Variants in MYO18B observed in about 807,000 individuals in gnomAD.
MYO18B encodes the protein myosin XVIIIB.
In MYO18B, 204 loss-of-function variants were observed where a neutral mutation model predicts 273.0. The ratio of observed to expected loss-of-function variants is 0.75; its 90% CI spans 0.67 to 0.84. The LOEUF is 0.84. Ranked by LOEUF, MYO18B falls within the 40% of genes least tolerant of loss-of-function variation. The pLI, the probability that MYO18B is intolerant of heterozygous loss-of-function variation, is 0.00. For missense variants in MYO18B, 3,212 were observed against 3,287.6 expected (o/e 0.98, Z 0.56); for synonymous variants, 1,330 against 1,305.7 (o/e 1.02, Z -0.40).
At chr22:25,767,276 G>A (rs1472792029) in intron 3 of MYO18B, among the ~76,000 whole-genome samples, 1 of 152,222 alleles carries the variant, frequency 6.6e-6, no homozygotes, top group Non-Finnish European at 1.5e-5. Context: ...GAAGGGAGCA[G>A]GCAGTGGAAA....
At chr22:26,047,213 G>C in the MYO18B span, among the ~76,000 whole-genome samples, 1 of 148,982 alleles carries the variant, frequency 6.7e-6, no homozygotes, top group East Asian at 2.0e-4. Context: ...TGCAAGCTCT[G>C]CCTCCCGGGT....
At chr22:25,893,087 TAC>T (rs1344316559) in intron 27 of MYO18B, among the ~76,000 whole-genome samples, 2 of 152,190 alleles carry the variant, frequency 1.3e-5, no homozygotes, top group African/African-American at 4.8e-5. Context: ...ATGAAAGTAA[TAC>T]ATACTCATTA....
chr22:25,747,106 A>G (rs1449143326), intron 1 of MYO18B, among the ~76,000 whole-genome samples: 2 of 152,182 alleles, frequency 1.3e-5, no homozygotes, highest in East Asian at 3.8e-4. Flanking sequence ...TGGGCAACAG[A>G]GTGAGACTCC....
At chr22:25,876,903 G>C (rs545793105) in intron 24 of MYO18B, 2 of 151,952 alleles carry the variant, frequency 1.3e-5, no homozygotes, top group Non-Finnish European at 1.5e-5. Context: ...TTCCATTCTT[G>C]TGGAGCTCCT....
intron 42 of MYO18B, among the ~76,000 whole-genome samples, chr22:26,015,905 T>C (rs1304557827): frequency 1.3e-5 from 2 of 152,352 alleles, no homozygotes; most frequent in East Asian, 3.9e-4. Flanking sequence ...GAATGTAAGT[T>C]ACTTGAAGAC....
chr22:25,805,607 A>G (rs2088435768), intron 12 of MYO18B, among the ~76,000 whole-genome samples: 1 of 152,090 alleles, frequency 6.6e-6, no homozygotes, highest in Admixed American at 6.5e-5. Context: ...CTCATGCCGC[A>G]GCCAGCAGGA....
intron 39 of MYO18B, among the ~76,000 whole-genome samples, chr22:25,966,759 T>A (rs563536506): frequency 1.1e-4 from 17 of 152,338 alleles, no homozygotes; most frequent in Non-Finnish European, 1.9e-4. Flanking sequence ...AAGGTTTCTG[T>A]ACAAAAGAAA....
chr22:26,035,984 C>A (rs1224056042), downstream of MYO18B, among the ~76,000 whole-genome samples: 1 of 152,220 alleles, frequency 6.6e-6, no homozygotes, highest in African/African-American at 2.4e-5. Context: ...AACCCTGTTT[C>A]AAGGCCCCTG....
intron 2 of MYO18B, 138 bp from the exon 3 acceptor site, chr22:25,763,093 G>C (rs2086381751): frequency 1.0e-6 from 1 of 990,396 alleles, no homozygotes; most frequent in Non-Finnish European, 1.6e-6. Flanking sequence ...CACCTGCTTG[G>C]CTGTGGCTTC....
chr22:25,829,578 G>T (rs1172513006), intron 15 of MYO18B, among the ~76,000 whole-genome samples: 3 of 151,240 alleles, frequency 2.0e-5, no homozygotes, highest in Admixed American at 2.0e-4. Flanking sequence ...GGTGGCTCAT[G>T]CCTTAATCCC....
chr22:26,044,234 G>A, the MYO18B span, among the ~76,000 whole-genome samples: 4 of 152,084 alleles, frequency 2.6e-5, no homozygotes, highest in Non-Finnish European at 5.9e-5. Flanking sequence ...CAAGTTCTTT[G>A]TCAGAGATAT....
At chr22:26,052,098 TA>T in the MYO18B span, among the ~76,000 whole-genome samples, 1 of 152,250 alleles carries the variant, frequency 6.6e-6, no homozygotes, top group African/African-American at 2.4e-5. Flanking sequence ...AGGCAAGTGC[TA>T]TGTTGAAAGG....
chr22:25,789,407 G>A (rs191282826), intron 11 of MYO18B, among the ~76,000 whole-genome samples: 3,882 of 151,238 alleles, frequency 0.026, 142 homozygotes, highest in African/African-American at 0.083. Context: ...AGGCTGAGGC[G>A]GGCGGATCAC....
intron 15 of MYO18B, among the ~76,000 whole-genome samples, chr22:25,830,386 C>G (rs77596072): frequency 6.6e-6 from 1 of 152,146 alleles, no homozygotes; most frequent in Non-Finnish European, 1.5e-5. Context: ...AAAAAATCTT[C>G]GGTTGTTGCT....
intron 1 of MYO18B, among the ~76,000 whole-genome samples, chr22:25,753,004 G>C (rs1373182266): frequency 5.3e-5 from 8 of 152,320 alleles, no homozygotes; most frequent in Non-Finnish European, 1.0e-4. Flanking sequence ...CCCGCGCTGC[G>C]CTCGAATTCT....
chr22:26,033,913 C>T (rs893536008), downstream of MYO18B, among the ~76,000 whole-genome samples: 5 of 144,126 alleles, frequency 3.5e-5, no homozygotes, highest in South Asian at 2.2e-4. Context: ...CCCTTCCTTC[C>T]TTCTTTCCTT....
chr22:25,972,631 A>G (rs924816073), intron 39 of MYO18B, among the ~76,000 whole-genome samples: 3 of 152,202 alleles, frequency 2.0e-5, no homozygotes, highest in East Asian at 1.9e-4. Context: ...ACTGAATTGC[A>G]GGTGAGGAGA....
rs6004758 is a variant in MYO18B, at chr22:25,761,332, T to C, written c.39+201T>C. Among the ~76,000 whole-genome samples, 36,944 of 137,652 alleles carry C rather than the reference T, an allele frequency of 0.27. 4,776 individuals are homozygous for C. The highest frequency in any genetic ancestry group is 0.4 in the African/African-American group (14,186 of 35,656). The allele number at this position is 137,652 out of a possible 152,430, so 90.3% of individuals were successfully genotyped here. On this transcript the variant is annotated intron_variant, in intron 2 of 43. Transcript: ENST00000335473. ...CAACCCAGCTGGACACTGATGGCCA[T>C]ACCCTTGACGCCCCCCCGAGGGCTG...
At position 25,843,896 on chromosome 22, in the gene MYO18B, T is replaced by C; in HGVS notation, c.3368+2T>C. ...CCAGGTCCTGCACCAGTCAAAAAGG[T>C]GAGTTGGGTCAGGGTTGGGGACGGG... On this transcript the variant is annotated splice_donor_variant, in intron 18 of 43. Transcript: ENST00000335473. LOFTEE classifies it high-confidence loss of function. 6.3e-7 allele frequency: 1 copy of C among 1,599,124 alleles called. No individual in the cohort carries two copies. The highest frequency in any genetic ancestry group is 8.6e-7 in the Non-Finnish European group (1 of 1,168,016).
Sources: gnomAD v4.1 joint callset for allele counts (sites outside exome capture counted in the v4.1 genomes callset) on GRCh38, gnomAD v4.1.1 for gene constraint, MANE v1.5 for transcripts, NCBI Gene and HGNC (gene_info 2026-07-23, HGNC 2026-07-21) for gene names.